Variants in RALGAPA2 observed in about 807,000 individuals in gnomAD.
The protein encoded by RALGAPA2 is Ral GTPase activating protein catalytic subunit alpha 2, also known as ral GTPase-activating protein subunit alpha-2.
A neutral mutation model predicts 230.4 loss-of-function variants in RALGAPA2; 139 were observed. That is an observed-to-expected ratio of 0.60 (90% CI 0.53 to 0.69). RALGAPA2 has a LOEUF of 0.69. RALGAPA2 is among the 30% of genes least tolerant of loss of function. The pLI is 0.00. For synonymous variants in RALGAPA2, 847 were observed against 837.8 expected (o/e 1.01, Z -0.19); for missense variants, 2,163 against 2,276.0 (o/e 0.95, Z 1.01).
chr20:20,582,058 AG>A (rs907016911), intron 20 of RALGAPA2, among the ~76,000 whole-genome samples: 45 of 152,190 alleles, frequency 3.0e-4, no homozygotes, highest in African/African-American at 1.0e-3. Flanking sequence ...CACAAAACAA[AG>A]CAAAACCAAA....
intron 1 of RALGAPA2, among the ~76,000 whole-genome samples, chr20:20,686,330 G>A (rs1323347910): frequency 6.6e-6 from 1 of 152,136 alleles, no homozygotes; most frequent in African/African-American, 2.4e-5. Flanking sequence ...TGGATCACTT[G>A]AGGTCAGGAG....
rs757123557 is a variant in RALGAPA2, at chr20:20,619,319, C to T, written c.1497G>A (p.Glu499=). 25 of 1,611,302 alleles carry T rather than the reference C, an allele frequency of 1.6e-5. No individual in the cohort carries two copies. In the Middle Eastern group the frequency reaches 8.3e-4, roughly 53 times the overall value. ...CGCCGGCTTTCACATTTGTATTTTC[C>T]TCCTCTGTCACACACCCTCTGCTCA... is the stretch of plus-strand genomic sequence containing the variant. ...SAMSRGCVTE[E]ENTNVKAGVQ... Residue 499 remains glutamate, a synonymous_variant, in exon 12 of 40, where the codon GAG becomes GAA. Transcript: ENST00000202677.
chr20:20,662,461 A>C (rs1179320852), intron 3 of RALGAPA2, among the ~76,000 whole-genome samples: 1 of 152,208 alleles, frequency 6.6e-6, no homozygotes, highest in East Asian at 1.9e-4. Context: ...ATTTCCTACA[A>C]TGCAAGAACT....
intron 1 of RALGAPA2, among the ~76,000 whole-genome samples, chr20:20,682,748 A>G (rs942495678): frequency 1.3e-5 from 2 of 152,228 alleles, no homozygotes; most frequent in Non-Finnish European, 2.9e-5. Context: ...ATTTAGTTCA[A>G]TATTTTCTTG....
At chr20:20,415,718 C>G (rs2060151116) in intron 37 of RALGAPA2, among the ~76,000 whole-genome samples, 1 of 152,138 alleles carries the variant, frequency 6.6e-6, no homozygotes, top group Non-Finnish European at 1.5e-5. Flanking sequence ...AAGATTCTGT[C>G]TCTAGAATAA....
intron 1 of RALGAPA2, among the ~76,000 whole-genome samples, chr20:20,694,465 C>T (rs2069032062): frequency 6.6e-6 from 1 of 152,190 alleles, no homozygotes; most frequent in African/African-American, 2.4e-5. Flanking sequence ...AGCTTGTGAG[C>T]AGCCTCCAAT....
At chr20:20,416,834 C>T (rs933166233) in intron 37 of RALGAPA2, among the ~76,000 whole-genome samples, 1 of 152,114 alleles carries the variant, frequency 6.6e-6, no homozygotes, top group African/African-American at 2.4e-5. Flanking sequence ...CCCTTGAAAC[C>T]CTTCTTGCCT....
intron 1 of RALGAPA2, among the ~76,000 whole-genome samples, chr20:20,697,259 G>T (rs2069151222): frequency 6.6e-6 from 1 of 152,262 alleles, no homozygotes; most frequent in East Asian, 1.9e-4. Context: ...GAGCCTGGGA[G>T]AGCAAGGCTG....
intron 1 of RALGAPA2, among the ~76,000 whole-genome samples, chr20:20,705,313 C>T (rs2069550885): frequency 6.6e-6 from 1 of 152,014 alleles, no homozygotes; most frequent in African/African-American, 2.4e-5. Flanking sequence ...CCCAAGTGAT[C>T]CTCCAGCCTC....
At chr20:20,515,952 C>G (rs1365825418) in intron 31 of RALGAPA2, among the ~76,000 whole-genome samples, 1 of 152,168 alleles carries the variant, frequency 6.6e-6, no homozygotes. Context: ...TGCGGCAGAT[C>G]TGGGTTCTGC....
intron 14 of RALGAPA2, among the ~76,000 whole-genome samples, chr20:20,606,952 G>A (rs2065839585): frequency 6.6e-6 from 1 of 152,176 alleles, no homozygotes; most frequent in South Asian, 2.1e-4. Flanking sequence ...TCTCAAATGA[G>A]CCACAAATGC....
chr20:20,689,573 C>G (rs1326106997), intron 1 of RALGAPA2, among the ~76,000 whole-genome samples: 2 of 152,146 alleles, frequency 1.3e-5, no homozygotes, highest in African/African-American at 4.8e-5. Flanking sequence ...ACCCGGGAGG[C>G]GGAGGTTGCA....
At chr20:20,523,313 G>A (rs934765108) in intron 30 of RALGAPA2, among the ~76,000 whole-genome samples, 10 of 151,934 alleles carry the variant, frequency 6.6e-5, no homozygotes, top group African/African-American at 2.4e-4. Context: ...AAGGGATGGG[G>A]GGTTAACTAA....
intron 1 of RALGAPA2, among the ~76,000 whole-genome samples, chr20:20,709,323 A>C (rs1417840290): frequency 6.6e-6 from 1 of 151,958 alleles, no homozygotes; most frequent in African/African-American, 2.4e-5. Context: ...CATCTCAAAA[A>C]AAAAAAATAC....
At chr20:20,502,675 G>A (rs2062411575) in intron 35 of RALGAPA2, among the ~76,000 whole-genome samples, 1 of 152,200 alleles carries the variant, frequency 6.6e-6, no homozygotes, top group Non-Finnish European at 1.5e-5. Flanking sequence ...ATGTGGTAGG[G>A]AGAGAGTAAG....
chr20:20,410,430 C>T (rs568020594), intron 38 of RALGAPA2, among the ~76,000 whole-genome samples: 1 of 152,092 alleles, frequency 6.6e-6, no homozygotes, highest in Non-Finnish European at 1.5e-5. Flanking sequence ...AAGAGTTAAA[C>T]AAACAAACAA....
At chr20:20,572,120 G>A (rs1286497627) in intron 21 of RALGAPA2, among the ~76,000 whole-genome samples, 174 bp from the exon 22 acceptor site, 1 of 152,086 alleles carries the variant, frequency 6.6e-6, no homozygotes, top group East Asian at 1.9e-4. Context: ...TTACATGTTT[G>A]GCTTACTGTA....
intron 35 of RALGAPA2, 51 bp from the exon 36 acceptor site, chr20:20,495,326 T>C: frequency 7.2e-7 from 1 of 1,384,638 alleles, no homozygotes; most frequent in Non-Finnish European, 9.6e-7. Flanking sequence ...CAGCAGTTTA[T>C]GAGGGGTCAT....
At chr20:20,668,944 C>A (rs1333992714) in intron 3 of RALGAPA2, among the ~76,000 whole-genome samples, 1 of 152,138 alleles carries the variant, frequency 6.6e-6, no homozygotes, top group Non-Finnish European at 1.5e-5. Context: ...CAGCCTGGGC[C>A]ACACTTTACA....
Sources: gnomAD v4.1 joint callset for allele counts (sites outside exome capture counted in the v4.1 genomes callset) on GRCh38, gnomAD v4.1.1 for gene constraint, MANE v1.5 for transcripts, NCBI Gene and HGNC (gene_info 2026-07-23, HGNC 2026-07-21) for gene names.